Variants in MAP4K3 observed in about 807,000 individuals in gnomAD.
MAP4K3 encodes the protein MAPK/ERK kinase kinase kinase 3.
Under a neutral mutation model 143.5 loss-of-function variants are expected in MAP4K3, and 94 were observed. The ratio of observed to expected loss-of-function variants is 0.65; its 90% CI spans 0.55 to 0.78. The LOEUF is 0.78. Among genes scored for constraint, MAP4K3 ranks in the 30% least tolerant of loss-of-function variants. The pLI, the probability that MAP4K3 is intolerant of heterozygous loss-of-function variation, is 0.00. For missense variants in MAP4K3, 1,077 were observed against 1,068.1 expected, an observed-to-expected ratio of 1.01 and a Z score of -0.12; for synonymous variants, 416 against 347.2, an observed-to-expected ratio of 1.20 and a Z score of -2.20.
intron 1 of MAP4K3, among the ~76,000 whole-genome samples, chr2:39,390,307 C>T (rs1269957665): frequency 5.3e-5 from 8 of 152,076 alleles, no homozygotes; most frequent in African/African-American, 1.2e-4. Flanking sequence ...CTGAGAAATA[C>T]GGTATACACC....
intron 3 of MAP4K3, among the ~76,000 whole-genome samples, chr2:39,353,234 C>T (rs949324245): frequency 2.0e-5 from 3 of 152,180 alleles, no homozygotes; most frequent in African/African-American, 7.2e-5. Flanking sequence ...TAGCCCCTTA[C>T]AGCTCTAACA....
chr2:39,292,789 C>G lies in MAP4K3; in HGVS notation c.1255G>C (p.Asp419His). ...VAHLEDDEGDDDESKHSTLKA... is the reference protein window; with the variant it reads ...VAHLEDDEGDHDESKHSTLKA... ...AGAACTTACTGTTTAGATTCATCAT[C>G]ATCTCCTTCATCATCTTCTAAATGT... Residue 419 changes from aspartate (D) to histidine (H), a missense_variant, in exon 18 of 34, where the codon GAT (aspartate) becomes CAT (histidine). By Grantham distance (81) the Asp-to-His change is moderately conservative (BLOSUM62 -1). This residue lies in a region of MAP4K3 where 864 missense variants were observed against 801.2 expected (regional missense o/e 1.08). Coordinates refer to ENST00000263881, the MANE Select transcript of MAP4K3 (RefSeq NM_003618.4). The G allele has an allele frequency of 6.2e-7, 1 of 1,613,208 alleles. No individual in the cohort carries two copies. The highest frequency in any genetic ancestry group is 8.5e-7 in the Non-Finnish European group (1 of 1,179,362).
chr2:39,391,220 G>T (rs930295662), intron 1 of MAP4K3, among the ~76,000 whole-genome samples: 1 of 151,652 alleles, frequency 6.6e-6, no homozygotes, highest in African/African-American at 2.4e-5. Context: ...TTAGCCGGGC[G>T]TGGTGGCGGG....
intron 1 of MAP4K3, among the ~76,000 whole-genome samples, chr2:39,392,112 G>A (rs1248063749): frequency 6.7e-6 from 1 of 149,438 alleles, no homozygotes; most frequent in African/African-American, 2.5e-5. Context: ...TTGAACCCGG[G>A]AGGTGGAGGT....
chr2:39,272,803 T>G (rs946240969), intron 24 of MAP4K3, among the ~76,000 whole-genome samples: 6 of 152,206 alleles, frequency 3.9e-5, no homozygotes, highest in Non-Finnish European at 8.8e-5. Context: ...GATTAAGGGC[T>G]ATGTAACCCC....
chr2:39,378,733 A>G (rs1004753925), intron 1 of MAP4K3, among the ~76,000 whole-genome samples: 7 of 152,104 alleles, frequency 4.6e-5, no homozygotes, highest in Admixed American at 2.6e-4. Context: ...GTACAGTCAA[A>G]TACATGTAGT....
intron 3 of MAP4K3, among the ~76,000 whole-genome samples, chr2:39,349,541 CAT>C (rs927288314): frequency 1.2e-4 from 19 of 152,228 alleles, no homozygotes; most frequent in African/African-American, 3.4e-4. Context: ...AAAAATATCA[CAT>C]AGTCTTTTCT....
rs2148645316 is a variant in MAP4K3 at position 39,437,062 on chromosome 2, G to C, written c.-75C>G. The C allele has an allele frequency of 8.7e-7, 1 of 1,149,338 alleles. No homozygotes were observed. Among genetic ancestry groups the C allele is most frequent in the East Asian group, 3.0e-5 (1 of 33,044 alleles). The allele number at this position is 1,149,338 out of a possible 1,614,324, so 71.2% of individuals were successfully genotyped here. A position where few individuals can be genotyped will look rare whatever the true frequency, so the allele number is the denominator to read the frequency against. ...CGCTCAGGGGGCCACACGGAGAGAG[G>C]GCGCCGCGGCCGGCTCCCGGCTCCC... is the stretch of plus-strand genomic sequence containing the variant. On this transcript the variant is annotated 5_prime_UTR_variant, in exon 1 of 34. Transcript: ENST00000263881.
At chr2:39,265,111 T>G (rs2148445657) in intron 28 of MAP4K3, 92 bp downstream of exon 28, 1 of 946,902 alleles carries the variant, frequency 1.1e-6, no homozygotes, top group Non-Finnish European at 1.6e-6. Context: ...TAAATTAACT[T>G]GAAAATTAAC....
intron 6 of MAP4K3, among the ~76,000 whole-genome samples, chr2:39,333,959 TTTTGTGTG>T (rs1303829659): frequency 1.2e-3 from 103 of 87,340 alleles, no homozygotes; most frequent in African/African-American, 3.9e-3. Context: ...TGTTTCCCAT[TTTTGTGTG>T]TGTGTGTGTG....
chr2:39,421,368 A>ATT (rs59291407), intron 1 of MAP4K3, among the ~76,000 whole-genome samples: 5 of 85,340 alleles, frequency 5.9e-5, no homozygotes, highest in South Asian at 4.3e-4. Context: ...TGACTTGGGC[A>ATT]TTTTTTTTTT....
chr2:39,266,517 T>C (rs548688357), intron 27 of MAP4K3, among the ~76,000 whole-genome samples: 11 of 152,310 alleles, frequency 7.2e-5, no homozygotes, highest in Non-Finnish European at 1.3e-4. Context: ...CCTCCACATG[T>C]TATGTCATTT....
chr2:39,334,299 C>T (rs1344492887), intron 6 of MAP4K3, among the ~76,000 whole-genome samples: 2 of 152,008 alleles, frequency 1.3e-5, no homozygotes, highest in African/African-American at 4.8e-5. Context: ...ATACTATATC[C>T]CAAAGGTATT....
intron 1 of MAP4K3, among the ~76,000 whole-genome samples, chr2:39,426,088 C>A (rs1665069679): frequency 6.6e-6 from 1 of 152,098 alleles, no homozygotes; most frequent in Admixed American, 6.5e-5. Context: ...CCCACCTTAA[C>A]CAAATAATCA....
rs78921341 is a variant in MAP4K3 at position 39,271,316 on chromosome 2, C to T, written c.1973+967G>A. Among the ~76,000 whole-genome samples the T allele has an allele frequency of 7.9e-3, 1,208 of 152,152 alleles. 17 individuals carry two copies. The highest frequency in any genetic ancestry group is 0.028 in the African/African-American group (1,157 of 41,500). The stretch of plus-strand genomic sequence containing the variant: ...CAGTAAAATCTGGAAGAAACGAACA[C>T]AGCTAAAAGCAAATAAGCTAAAAAG... On this transcript the variant is annotated intron_variant, in intron 26 of 33. Transcript: ENST00000263881.
intron 3 of MAP4K3, among the ~76,000 whole-genome samples, chr2:39,351,721 T>C (rs183476943): frequency 7.2e-5 from 11 of 152,294 alleles, no homozygotes; most frequent in Admixed American, 7.2e-4. Flanking sequence ...CAGGCTGGAG[T>C]GTAGTGGAGT....
chr2:39,387,554 C>A (rs1420551894), intron 1 of MAP4K3, among the ~76,000 whole-genome samples: 1 of 152,218 alleles, frequency 6.6e-6, no homozygotes, highest in Non-Finnish European at 1.5e-5. Context: ...ATAGCACCAC[C>A]ATGCAATGTA....
At chr2:39,324,571 A>T in intron 12 of MAP4K3, among the ~76,000 whole-genome samples, 1 of 152,214 alleles carries the variant, frequency 6.6e-6, no homozygotes. Flanking sequence ...GACAATGCTG[A>T]ATTGATAGAA....
At chr2:39,271,047 A>G (rs2148453486) in intron 26 of MAP4K3, among the ~76,000 whole-genome samples, 1 of 151,948 alleles carries the variant, frequency 6.6e-6, no homozygotes, top group East Asian at 2.0e-4. Context: ...CACATGGGGA[A>G]AGGTTGTATA....
Sources: allele counts gnomAD v4.1 joint callset (sites outside exome capture counted in the v4.1 genomes callset), GRCh38; gene constraint gnomAD v4.1.1; regional missense constraint gnomAD v4.1.1; transcripts MANE v1.5; gene names NCBI Gene and HGNC (gene_info 2026-07-23, HGNC 2026-07-21).